The following ERC2 variants were observed in gnomAD, a reference collection of about 807,000 sequenced individuals.
ERC2 encodes the protein ERC protein 2.
In ERC2, 42 loss-of-function variants were observed where a neutral mutation model predicts 114.8. That is an observed-to-expected ratio of 0.37 (90% CI 0.29 to 0.47). ERC2 has a LOEUF of 0.47. Ranked by LOEUF, ERC2 falls within the 20% of genes least tolerant of loss-of-function variation. The probability of loss-of-function intolerance (pLI) is 0.99; values close to 1 mark genes in which losing one functional copy is unlikely to be tolerated. For synonymous variants in ERC2, 454 were observed against 425.5 expected, an observed-to-expected ratio of 1.07 and a Z score of -0.82; for missense variants, 939 against 1,150.7, an observed-to-expected ratio of 0.82 and a Z score of 2.66.
chr3:55,756,083 GA>G (rs1251194125), intron 14 of ERC2, among the ~76,000 whole-genome samples: 1 of 152,138 alleles, frequency 6.6e-6, no homozygotes, highest in Non-Finnish European at 1.5e-5. Context: ...ACGTCAGGCA[GA>G]AATAAGTGGC....
chr3:56,420,892 G>A (rs1454072310), intron 2 of ERC2, among the ~76,000 whole-genome samples: 13 of 147,486 alleles, frequency 8.8e-5, no homozygotes, highest in African/African-American at 1.5e-4. Context: ...GCAAGACTCC[G>A]TCTCAAAAAA....
At chr3:55,957,187 C>A (rs984767943) in intron 12 of ERC2, among the ~76,000 whole-genome samples, 1 of 152,046 alleles carries the variant, frequency 6.6e-6, no homozygotes, top group African/African-American at 2.4e-5. Flanking sequence ...TCAGGCCCCA[C>A]TAGCAAAACC....
At chr3:55,898,136 C>A (rs1247298498) in intron 13 of ERC2, among the ~76,000 whole-genome samples, 8 of 152,136 alleles carry the variant, frequency 5.3e-5, no homozygotes, top group African/African-American at 1.7e-4. Context: ...TCTGACTTAA[C>A]AGAGTCTGTT....
chr3:55,889,378 G>A (rs894222650), intron 13 of ERC2, among the ~76,000 whole-genome samples: 8 of 152,136 alleles, frequency 5.3e-5, no homozygotes, highest in Non-Finnish European at 1.2e-4. Flanking sequence ...TTCAAGTTTG[G>A]TTTGCCCCTG....
Position 56,277,308 on chromosome 3 carries a change from G to C in ERC2, c.1074+18711C>G, listed in dbSNP as rs546912156. Reference sequence around the variant, plus strand: ...TCATCAGACCCTCCTCACTTGCAGGGACAGGGGGAGGTGAAGGGGTATCTA... The same window carrying C: ...TCATCAGACCCTCCTCACTTGCAGGCACAGGGGGAGGTGAAGGGGTATCTA... On this transcript the variant is annotated intron_variant, in intron 3 of 17. Coordinates refer to ENST00000288221, the MANE Select transcript of ERC2 (RefSeq NM_015576.3). 1.1e-4 allele frequency among the ~76,000 whole-genome samples: 16 copies of C among 152,192 alleles called. No individual in the cohort carries two copies. In the East Asian group the frequency reaches 2.9e-3, roughly 28 times the overall value.
intron 13 of ERC2, among the ~76,000 whole-genome samples, chr3:55,947,403 T>G (rs2067194589): frequency 6.6e-6 from 1 of 152,218 alleles, no homozygotes; most frequent in Non-Finnish European, 1.5e-5. Context: ...TCTCCACCTC[T>G]CCTCGTATCT....
At chr3:55,999,013 T>C (rs1379180152) in intron 10 of ERC2, among the ~76,000 whole-genome samples, 1 of 150,040 alleles carries the variant, frequency 6.7e-6, no homozygotes, top group Non-Finnish European at 1.5e-5. Flanking sequence ...AAGGGTATTA[T>C]ATGAAGCACT....
intron 15 of ERC2, among the ~76,000 whole-genome samples, chr3:55,728,910 T>C (rs2065081328): frequency 6.6e-6 from 1 of 152,218 alleles, no homozygotes; most frequent in South Asian, 2.1e-4. Context: ...AGGCAAATTC[T>C]GGCATGAGTT....
At chr3:55,874,003 T>C (rs993147106) in intron 14 of ERC2, among the ~76,000 whole-genome samples, 2 of 152,240 alleles carry the variant, frequency 1.3e-5, no homozygotes, top group Non-Finnish European at 2.9e-5. Flanking sequence ...ATTTGTTTTA[T>C]GAATGAGTCA....
At chr3:56,078,093 TC>T (rs1276480938) in intron 7 of ERC2, among the ~76,000 whole-genome samples, 1 of 152,312 alleles carries the variant, frequency 6.6e-6, no homozygotes, top group East Asian at 1.9e-4. Context: ...TCTCTGTTAT[TC>T]CCACGTATCC....
intron 15 of ERC2, among the ~76,000 whole-genome samples, chr3:55,733,542 TCACACACACACACACACACACA>T (rs58311179): frequency 0.026 from 2,827 of 107,908 alleles, 111 homozygotes; most frequent in African/African-American, 0.078. Context: ...TCTCTCTCTC[TCACACACACACACACACACACA>T]CACACACACA....
intron 16 of ERC2, among the ~76,000 whole-genome samples, chr3:55,691,650 C>A (rs2062676454): frequency 7.1e-6 from 1 of 140,158 alleles, no homozygotes; most frequent in Non-Finnish European, 1.5e-5. Context: ...TGGTTGGAAA[C>A]TGATATTAAA....
intron 17 of ERC2, among the ~76,000 whole-genome samples, chr3:55,682,396 C>T (rs1473625711): frequency 2.0e-5 from 3 of 152,148 alleles, no homozygotes; most frequent in Admixed American, 2.0e-4. Context: ...TTACTGGCAG[C>T]AAATGGATCC....
chr3:55,586,331 T>C (rs1187016564), intron 17 of ERC2, among the ~76,000 whole-genome samples: 1 of 152,244 alleles, frequency 6.6e-6, no homozygotes, highest in East Asian at 1.9e-4. Context: ...GAAAATCCTA[T>C]TCATAACTCC....
intron 14 of ERC2, among the ~76,000 whole-genome samples, chr3:55,775,393 G>A (rs941290452): frequency 5.3e-5 from 8 of 151,858 alleles, no homozygotes; most frequent in African/African-American, 1.2e-4. Flanking sequence ...TTAGCCTGGC[G>A]CGGTTGTGCA....
chr3:56,066,062 C>T (rs142684529), intron 7 of ERC2, among the ~76,000 whole-genome samples: 20,445 of 151,918 alleles, frequency 0.13, 1,473 homozygotes, highest in East Asian at 0.16. Flanking sequence ...GGGTATATAC[C>T]CAGTAATGGG....
chr3:55,744,860 C>A (rs116413779), intron 14 of ERC2, among the ~76,000 whole-genome samples: 1 of 152,194 alleles, frequency 6.6e-6, no homozygotes, highest in Non-Finnish European at 1.5e-5. Flanking sequence ...TACCGGTAAC[C>A]GGATCATCGT....
At chr3:55,878,666 C>T (rs773455722) in intron 14 of ERC2, among the ~76,000 whole-genome samples, 4 of 152,194 alleles carry the variant, frequency 2.6e-5, no homozygotes, top group Non-Finnish European at 4.4e-5. Flanking sequence ...TAATACTCCC[C>T]GCCTCACAGG....
chr3:56,092,680 T>G (rs1313559817), intron 6 of ERC2, among the ~76,000 whole-genome samples: 1 of 152,194 alleles, frequency 6.6e-6, no homozygotes, highest in Middle Eastern at 3.2e-3. Flanking sequence ...TTTTGCAACA[T>G]GATGATAGTT....
Sources: allele counts gnomAD v4.1 joint callset (sites outside exome capture counted in the v4.1 genomes callset), GRCh38; gene constraint gnomAD v4.1.1; transcripts MANE v1.5; gene names NCBI Gene and HGNC (gene_info 2026-07-23, HGNC 2026-07-21).